Variants in ST3GAL3 observed in about 807,000 individuals in gnomAD.
ST3GAL3 encodes the protein CMP-N-acetylneuraminate-beta-1,4-galactoside alpha-2,3-sialyltransferase.
ST3GAL3 carries 21 observed loss-of-function variants against 50.1 expected under a neutral mutation model. That is an observed-to-expected ratio of 0.42 (90% confidence interval 0.30 to 0.60). The LOEUF (loss-of-function observed/expected upper bound fraction) is 0.60. ST3GAL3 is among the 20% of genes least tolerant of loss of function. The pLI, the probability that ST3GAL3 is intolerant of heterozygous loss-of-function variation, is 0.19. For synonymous variants in ST3GAL3, 183 were observed against 190.0 expected (o/e 0.96, Z 0.30); for missense variants, 353 against 489.4 (o/e 0.72, Z 2.63).
chr1:43,865,119 C>T (rs1371020646), intron 5 of ST3GAL3, among the ~76,000 whole-genome samples: 2 of 151,868 alleles, frequency 1.3e-5, no homozygotes, highest in Non-Finnish European at 1.5e-5. Flanking sequence ...CGGGTTCACG[C>T]CATTTTCCTG....
intron 2 of ST3GAL3, among the ~76,000 whole-genome samples, chr1:43,752,051 A>G (rs1399558418): frequency 1.3e-5 from 2 of 152,154 alleles, no homozygotes; most frequent in African/African-American, 2.4e-5. Flanking sequence ...TCCTGACCTC[A>G]GGCTATCCTC....
At chr1:43,841,355 C>T (rs976915562) in intron 5 of ST3GAL3, 2 of 152,256 alleles carry the variant, frequency 1.3e-5, no homozygotes, top group Non-Finnish European at 2.9e-5. Context: ...ACTCCTGCAG[C>T]AGGCTTTTGC....
chr1:43,918,553 C>T (rs1353788340), intron 9 of ST3GAL3, among the ~76,000 whole-genome samples: 2 of 152,134 alleles, frequency 1.3e-5, no homozygotes, highest in African/African-American at 4.8e-5. Flanking sequence ...CTGTGTTGAA[C>T]TGCTTCTAGG....
At chr1:43,870,252 C>T (rs570774848) in intron 5 of ST3GAL3, among the ~76,000 whole-genome samples, 2 of 152,322 alleles carry the variant, frequency 1.3e-5, no homozygotes, top group East Asian at 1.9e-4. Context: ...CAGTTAAGAG[C>T]GAGGTGGTGA....
chr1:43,740,395 C>T (rs1680358964), intron 2 of ST3GAL3, among the ~76,000 whole-genome samples: 1 of 151,770 alleles, frequency 6.6e-6, no homozygotes, highest in Non-Finnish European at 1.5e-5. Context: ...TAGGTCAGTA[C>T]CTTGTATAGG....
At chr1:43,748,910 A>G (rs1684954088) in intron 2 of ST3GAL3, among the ~76,000 whole-genome samples, 1 of 152,222 alleles carries the variant, frequency 6.6e-6, no homozygotes. Flanking sequence ...TAAAATTTAT[A>G]TGAAAACACA....
intron 2 of ST3GAL3, among the ~76,000 whole-genome samples, chr1:43,791,831 C>T (rs564557043): frequency 6.6e-6 from 1 of 152,314 alleles, no homozygotes; most frequent in South Asian, 2.1e-4. Flanking sequence ...GTAAATTTGT[C>T]CCCTAATCTG....
intron 11 of ST3GAL3, chr1:43,921,721 A>G: frequency 5.0e-6 from 2 of 398,790 alleles, no homozygotes; most frequent in Non-Finnish European, 8.8e-6. Flanking sequence ...CCCCTCCACT[A>G]TTCCAGAGCC....
chr1:43,849,342 G>A (rs1298285878), intron 5 of ST3GAL3, among the ~76,000 whole-genome samples: 1 of 151,854 alleles, frequency 6.6e-6, no homozygotes, highest in African/African-American at 2.4e-5. Flanking sequence ...TATTTTGACA[G>A]AAAAGGACTT....
At chr1:43,892,440 T>C (rs1184719973) in intron 5 of ST3GAL3, among the ~76,000 whole-genome samples, 2 of 152,150 alleles carry the variant, frequency 1.3e-5, no homozygotes, top group Non-Finnish European at 2.9e-5. Flanking sequence ...CAAAGCAATC[T>C]ACAAAATAAT....
chr1:43,770,091 G>T (rs1457085064), intron 2 of ST3GAL3, among the ~76,000 whole-genome samples: 1 of 151,956 alleles, frequency 6.6e-6, no homozygotes, highest in Non-Finnish European at 1.5e-5. Flanking sequence ...ATAATCAAAA[G>T]ATTTTTGAAA....
intron 2 of ST3GAL3, among the ~76,000 whole-genome samples, chr1:43,747,529 T>C (rs960683118): frequency 4.0e-5 from 6 of 150,518 alleles, no homozygotes; most frequent in Admixed American, 6.6e-5. Flanking sequence ...TGTTCAACGG[T>C]CTGGGAACTC....
At chr1:43,869,705 G>T (rs1429142281) in intron 5 of ST3GAL3, among the ~76,000 whole-genome samples, 1 of 152,186 alleles carries the variant, frequency 6.6e-6, no homozygotes, top group Non-Finnish European at 1.5e-5. Flanking sequence ...ACCAAGCGTG[G>T]CAAGGTAGCT....
intron 5 of ST3GAL3, among the ~76,000 whole-genome samples, chr1:43,857,487 C>CCTTT (rs1370606877): frequency 7.4e-5 from 11 of 148,424 alleles, no homozygotes; most frequent in African/African-American, 2.7e-4. Context: ...TTCCTTCCTT[C>CCTTT]CTTCCTTCCT....
At chr1:43,746,779 T>C (rs909292097) in intron 2 of ST3GAL3, among the ~76,000 whole-genome samples, 4 of 149,782 alleles carry the variant, frequency 2.7e-5, no homozygotes, top group African/African-American at 4.9e-5. Flanking sequence ...TGTTTTTTTT[T>C]TTGAGACAAG....
chr1:43,854,578 C>T (rs576489965), intron 5 of ST3GAL3, among the ~76,000 whole-genome samples: 2 of 152,180 alleles, frequency 1.3e-5, no homozygotes, highest in Non-Finnish European at 2.9e-5. Context: ...CACTCCACTG[C>T]TTTAGCTAAC....
At chr1:43,902,249 G>A (rs974206244) in intron 9 of ST3GAL3, among the ~76,000 whole-genome samples, 5 of 152,218 alleles carry the variant, frequency 3.3e-5, no homozygotes, top group African/African-American at 1.2e-4. Context: ...CAGAATTCTG[G>A]CAGGAGGCAG....
intron 3 of ST3GAL3, among the ~76,000 whole-genome samples, chr1:43,810,587 A>T (rs1222040527): frequency 6.6e-6 from 1 of 152,162 alleles, no homozygotes; most frequent in Non-Finnish European, 1.5e-5. Context: ...TCAGGACAAC[A>T]CATTTCTTCT....
intron 2 of ST3GAL3, chr1:43,772,656 AT>A (rs879785882): frequency 8.1e-5 from 12 of 148,218 alleles, no homozygotes; most frequent in Middle Eastern, 3.4e-3. Flanking sequence ...CCTTGCAGTG[AT>A]TTTTTTTTTA....
Sources: gnomAD v4.1 joint callset for allele counts (sites outside exome capture counted in the v4.1 genomes callset) on GRCh38, gnomAD v4.1.1 for gene constraint, MANE v1.5 for transcripts, NCBI Gene and HGNC (gene_info 2026-07-23, HGNC 2026-07-21) for gene names.